The following CHD2 variants were observed in gnomAD, a reference collection of about 807,000 sequenced individuals.
CHD2 encodes the protein ATP-dependent chromatin remodeler CHD2.
In CHD2, 28 loss-of-function variants were observed where a neutral mutation model predicts 243.9. That is an observed-to-expected ratio of 0.11 (90% CI 0.09 to 0.16). The LOEUF (loss-of-function observed/expected upper bound fraction) is 0.16, where lower values mean the gene tolerates loss of function less well. CHD2 is among the 10% of genes least tolerant of loss of function. CHD2 has a pLI of 1.00. For missense variants in CHD2, 1,386 were observed against 2,209.8 expected, an observed-to-expected ratio of 0.63 and a Z score of 7.47; for synonymous variants, 775 against 779.0, an observed-to-expected ratio of 0.99 and a Z score of 0.09.
At chr15:93,005,426 G>A (rs1435545148) in intron 34 of CHD2, among the ~76,000 whole-genome samples, 2 of 152,138 alleles carry the variant, frequency 1.3e-5, no homozygotes, top group Non-Finnish European at 2.9e-5. Flanking sequence ...GCCCCTGGCT[G>A]GAGCTGCAGG....
chr15:93,000,189 C>G (rs2054236361), intron 31 of CHD2, among the ~76,000 whole-genome samples: 1 of 152,086 alleles, frequency 6.6e-6, no homozygotes, highest in Non-Finnish European at 1.5e-5. Flanking sequence ...TCGCTTGAAC[C>G]CGGGAGGCAG....
chr15:93,014,021 T>G (rs1164566985), intron 36 of CHD2, among the ~76,000 whole-genome samples: 3 of 151,354 alleles, frequency 2.0e-5, no homozygotes, highest in Non-Finnish European at 4.4e-5. Context: ...AATCAGTTAT[T>G]AAACATAATA....
rs2053846145 is a variant in CHD2, at chr15:92,971,855, A to G, written c.2280A>G (p.Lys760=). ...TTAATATTGTGATGGAACTGAAAAAATGTTGCAACCACTGCTATCTGATTA... is the reference window on the plus strand; with the variant it reads ...TTAATATTGTGATGGAACTGAAAAAGTGTTGCAACCACTGCTATCTGATTA... ...GFLNIVMELK[K]CCNHCYLIKP... The change falls in exon 18 of 39, where the codon AAA becomes AAG. Residue 760 remains lysine (K), a synonymous_variant. Coordinates refer to ENST00000394196, the MANE Select transcript of CHD2 (RefSeq NM_001271.4). 1 of 1,613,962 alleles carries G rather than the reference A, an allele frequency of 6.2e-7. No individual in the cohort carries two copies. Among genetic ancestry groups the G allele is most frequent in the African/African-American group, 1.3e-5 (1 of 75,020 alleles).
At chr15:92,912,842 G>A (rs970440450) in intron 2 of CHD2, among the ~76,000 whole-genome samples, 2 of 152,330 alleles carry the variant, frequency 1.3e-5, no homozygotes, top group African/African-American at 2.4e-5. Flanking sequence ...GAGCCACTGC[G>A]CCAGGCCCTG....
chr15:92,958,304 G>A (rs926881386), intron 16 of CHD2, among the ~76,000 whole-genome samples: 11 of 152,194 alleles, frequency 7.2e-5, no homozygotes, highest in African/African-American at 2.4e-4. Context: ...CCGTTCTGGC[G>A]AATGTGTGTC....
chr15:92,908,861 G>A (rs1381487656), intron 2 of CHD2, among the ~76,000 whole-genome samples: 3 of 152,144 alleles, frequency 2.0e-5, no homozygotes. Flanking sequence ...GCTCACTCCT[G>A]TAATCCCAGC....
Position 92,924,330 on chromosome 15 carries a change from C to T in CHD2, c.72C>T (p.Ala24=), listed in dbSNP as rs764675794. 2.5e-6 allele frequency: 4 copies of T among 1,613,568 alleles called. No individual in the cohort carries two copies. Among genetic ancestry groups the T allele is most frequent in the African/African-American group, 1.3e-5 (1 of 74,878 alleles). ...SLHSNASSHS[A]SEEASGSDSG... is the part of the protein sequence containing the mutation. ...TCTCTCTCAAAATAAGTCACTCAGC[C>T]TCTGAAGAAGCTTCGGGTTCAGACT... The change falls in exon 3 of 39, where the codon GCC becomes GCT. Residue 24 remains alanine, a synonymous_variant. Coordinates refer to ENST00000394196, the MANE Select transcript of CHD2 (RefSeq NM_001271.4).
intron 19 of CHD2, among the ~76,000 whole-genome samples, chr15:92,972,918 C>T (rs1197232395): frequency 1.3e-5 from 2 of 151,856 alleles, no homozygotes; most frequent in Non-Finnish European, 2.9e-5. Flanking sequence ...TTTAGGCTAC[C>T]ATATGAAAGT....
chr15:92,930,551 C>T (rs1320444364), intron 5 of CHD2, among the ~76,000 whole-genome samples: 1 of 152,056 alleles, frequency 6.6e-6, no homozygotes, highest in East Asian at 1.9e-4. Context: ...ACCTAAGCCA[C>T]TCGAGTAGCT....
intron 36 of CHD2, among the ~76,000 whole-genome samples, chr15:93,013,724 C>T (rs1024852622): frequency 6.6e-6 from 1 of 151,868 alleles, no homozygotes; most frequent in Non-Finnish European, 1.5e-5. Context: ...CACTTGAGGC[C>T]GAGAGTTCGA....
intron 20 of CHD2, among the ~76,000 whole-genome samples, chr15:92,977,743 A>C (rs758526585): frequency 4.6e-5 from 7 of 152,322 alleles, no homozygotes; most frequent in Middle Eastern, 3.4e-3. Context: ...CACTTACCAT[A>C]TATGATCTCT....
chr15:92,928,703 A>G (rs1485100932), intron 4 of CHD2, among the ~76,000 whole-genome samples: 1 of 152,248 alleles, frequency 6.6e-6, no homozygotes, highest in East Asian at 1.9e-4. Flanking sequence ...CTTGGTAGTC[A>G]CATGTGGCTG....
At chr15:92,980,973 T>A in intron 23 of CHD2, 62 bp downstream of exon 23, 2 of 1,094,092 alleles carry the variant, frequency 1.8e-6, no homozygotes, top group Non-Finnish European at 2.8e-6. Context: ...AGTCTAACTT[T>A]TCTGTAAGAA....
Position 93,025,555 on chromosome 15 carries a change from G to A in CHD2, c.*850G>A, listed in dbSNP as rs1318944936. The A allele has an allele frequency of 1.3e-5, 2 of 152,674 alleles. No individual in the cohort carries two copies. Among genetic ancestry groups the A allele is most frequent in the Non-Finnish European group, 2.9e-5 (2 of 68,110 alleles). The allele number at this position is 152,674 out of a possible 1,614,324, so 9.5% of individuals were successfully genotyped here. On this transcript the variant is annotated 3_prime_UTR_variant, in exon 39 of 39. Transcript: ENST00000394196. ...GGGAGTAGGCTGAGTGAGGGGTAGG[G>A]TGGGGTAGGTGGGGAGTAGTGTGGC...
chr15:92,978,766 C>G (rs2141843661), intron 21 of CHD2, among the ~76,000 whole-genome samples: 1 of 152,200 alleles, frequency 6.6e-6, no homozygotes, highest in East Asian at 1.9e-4. Flanking sequence ...TTTGGAAAAC[C>G]ACACACTTTT....
At chr15:93,024,208 C>T (rs151204390) in intron 38 of CHD2, among the ~76,000 whole-genome samples, 164 bp from the exon 39 acceptor site, 51 of 152,222 alleles carry the variant, frequency 3.4e-4, no homozygotes, top group Non-Finnish European at 7.1e-4. Context: ...ATGTATTTTG[C>T]TAATAAGTGT....
intron 2 of CHD2, among the ~76,000 whole-genome samples, chr15:92,903,032 A>G (rs1319257960): frequency 1.3e-5 from 2 of 152,186 alleles, no homozygotes; most frequent in Non-Finnish European, 2.9e-5. Flanking sequence ...GTACTTTTAA[A>G]TTGGTTTGTC....
intron 5 of CHD2, among the ~76,000 whole-genome samples, chr15:92,931,967 A>T (rs554277347): frequency 6.6e-6 from 1 of 151,646 alleles, no homozygotes; most frequent in Non-Finnish European, 1.5e-5. Context: ...GGTTCAAGCA[A>T]TTCTCCTGCC....
At chr15:92,935,954 A>G (rs2053260032) in intron 5 of CHD2, among the ~76,000 whole-genome samples, 1 of 152,030 alleles carries the variant, frequency 6.6e-6, no homozygotes, top group Non-Finnish European at 1.5e-5. Flanking sequence ...TTAACCTAAC[A>G]AAGAAACATC....
Sources: gnomAD v4.1 joint callset for allele counts (sites outside exome capture counted in the v4.1 genomes callset) on GRCh38, gnomAD v4.1.1 for gene constraint, MANE v1.5 for transcripts, NCBI Gene and HGNC (gene_info 2026-07-23, HGNC 2026-07-21) for gene names.